Variants in SEC24C observed in about 807,000 individuals in gnomAD.
The protein encoded by SEC24C is SEC24 homolog C, COPII component, also known as protein transport protein Sec24C.
In SEC24C, 22 loss-of-function variants were observed where a neutral mutation model predicts 117.0. That is an observed-to-expected ratio of 0.19 (90% CI 0.13 to 0.27). SEC24C has a LOEUF of 0.27. Ranked by LOEUF, SEC24C falls within the 10% of genes least tolerant of loss-of-function variation. SEC24C has a pLI of 1.00. For missense variants in SEC24C, 1,155 were observed against 1,375.1 expected (o/e 0.84, Z 2.53); for synonymous variants, 506 against 529.4 (o/e 0.96, Z 0.61).
rs188009406 is a variant in SEC24C at position 73,755,162 on chromosome 10, G to C, written c.308+3919G>C. Among the ~76,000 whole-genome samples, 154 of 152,092 alleles carry C rather than the reference G, an allele frequency of 1.0e-3. 8 individuals carry two copies. The highest frequency in any genetic ancestry group is 3.3e-3 in the African/African-American group (138 of 41,518). ...AAACAAAAAAAAAACAAAAGACAAT[G>C]AGAAAGAGCAGTAGTGAGGTGGGAG... On this transcript the variant is annotated intron_variant, in intron 3 of 22. Coordinates refer to ENST00000345254, the MANE Select transcript of SEC24C (RefSeq NM_198597.3).
chr10:73,763,531 G>A lies in SEC24C; in HGVS notation c.1029G>A (p.Glu343=), dbSNP rs2082829115. 6.2e-7 allele frequency: 1 copy of A among 1,613,756 alleles called. No individual in the cohort carries two copies. The highest frequency in any genetic ancestry group is 1.3e-5 in the African/African-American group (1 of 74,886). The change falls in exon 7 of 23, where the codon GAG becomes GAA. Residue 343 remains glutamate, a synonymous_variant. Coordinates refer to ENST00000345254, the MANE Select transcript of SEC24C (RefSeq NM_198597.3). The part of the protein sequence containing the change: ...IEDDRNNRGT[E]PFVTGVRGQV... ...ATGACAGGAACAACCGGGGTACAGA[G>A]CCATTTGTTACTGGAGTACGGGGCC... is the stretch of plus-strand genomic sequence containing the variant.
At chr10:73,746,381 G>C (rs560499929) in intron 1 of SEC24C, among the ~76,000 whole-genome samples, 4 of 152,148 alleles carry the variant, frequency 2.6e-5, no homozygotes, top group Middle Eastern at 3.2e-3. Flanking sequence ...CACACTAGAG[G>C]GTACTCGATG....
intron 3 of SEC24C, among the ~76,000 whole-genome samples, chr10:73,758,672 T>C (rs1056587718): frequency 1.3e-5 from 2 of 152,258 alleles, no homozygotes; most frequent in Non-Finnish European, 2.9e-5. Context: ...TGTGATATTT[T>C]ATAACTGACT....
chr10:73,749,151 C>T (rs532702666), intron 2 of SEC24C, among the ~76,000 whole-genome samples: 231 of 152,348 alleles, frequency 1.5e-3, no homozygotes, highest in Middle Eastern at 0.01. Flanking sequence ...TCACCTTGTG[C>T]AGCCTTACCT....
intron 8 of SEC24C, 81 bp downstream of exon 8, chr10:73,764,064 C>T (rs2082842265): frequency 1.4e-6 from 2 of 1,465,384 alleles, no homozygotes; most frequent in East Asian, 5.2e-5. Flanking sequence ...GATGTGATTC[C>T]AGCTTCACAA....
At position 73,769,605 on chromosome 10, in the gene SEC24C, TC is replaced by T. The variant is rs754065474; in HGVS notation, c.2564-7del. The T allele has an allele frequency of 1.2e-6, 2 of 1,613,828 alleles. No individual in the cohort carries two copies. The highest frequency in any genetic ancestry group is 2.7e-5 in the African/African-American group (2 of 74,996). On this transcript the variant is annotated splice_polypyrimidine_tract_variant and intron_variant, in intron 18 of 22. Transcript: ENST00000345254. This position sits in a 1 kb window ranked among gnomAD's most constrained non-coding sequence, Gnocchi z 4.5. ...AGCTGACCAGTGACTATCTTTGCTT[TC>T]CCATCCAGCATATCGGGGAGTCCTG...
At position 73,769,802 on chromosome 10, in the gene SEC24C, A is replaced by G. The variant is rs753035073; in HGVS notation, c.2683-34A>G. On this transcript the variant is annotated intron_variant, in intron 19 of 22. Transcript: ENST00000345254. This position sits in a 1 kb window ranked among gnomAD's most constrained non-coding sequence, Gnocchi z 4.5. ...TGTTTGCATTTGGGAGGGATTTCTC[A>G]TGATCATTGACTTTATTTTGATAAT... 4 of 1,612,798 alleles carry G rather than the reference A, an allele frequency of 2.5e-6. No individual in the cohort carries two copies. The Admixed American group carries it at 6.7e-5, about 27-fold the overall frequency.
chr10:73,754,994 G>A (rs912625512), intron 3 of SEC24C, among the ~76,000 whole-genome samples: 5 of 152,104 alleles, frequency 3.3e-5, no homozygotes, highest in Admixed American at 2.0e-4. Flanking sequence ...TTAGCCGGGT[G>A]TGGTGGCACA....
chr10:73,770,668 A>T (rs748260216), intron 21 of SEC24C, 41 bp from the exon 22 acceptor site: 1 of 1,604,128 alleles, frequency 6.2e-7, no homozygotes. Flanking sequence ...GACTGAACTC[A>T]GAGTGCCTTA....
chr10:73,760,353 C>T lies in SEC24C; in HGVS notation c.817C>T (p.Pro273Ser). The change falls in exon 5 of 23, where the codon CCG becomes TCG. Residue 273 changes from proline (P) to serine (S), a missense_variant. By Grantham distance (74) the Pro-to-Ser change is moderately conservative. Transcript: ENST00000345254. Reference protein sequence around the residue: ...PLGPLPPMHSPQQPGYQPQQN... With the variant: ...PLGPLPPMHSSQQPGYQPQQN... The stretch of plus-strand genomic sequence containing the variant: ...GGGACCACTGCCACCTATGCACTCC[C>T]CGCAGCAGCCAGGCTATCAGCCCCA... 1.2e-6 allele frequency: 2 copies of T among 1,604,218 alleles called. No homozygotes were observed. The highest frequency in any genetic ancestry group is 1.7e-6 in the Non-Finnish European group (2 of 1,176,666).
chr10:73,769,246 C>T lies in SEC24C; in HGVS notation c.2424+94C>T. 6.3e-7 allele frequency: 1 copy of T among 1,585,308 alleles called. No individual in the cohort carries two copies. The highest frequency in any genetic ancestry group is 1.8e-5 in the Admixed American group (1 of 55,986). Reference sequence around the variant, plus strand: ...GGGTAGAGAGCACTAAAAGAAGAGACAGGGCACGGGAGTGGCTCATTTCTC... The same window carrying T: ...GGGTAGAGAGCACTAAAAGAAGAGATAGGGCACGGGAGTGGCTCATTTCTC... On this transcript the variant is annotated intron_variant, in intron 17 of 22. Transcript: ENST00000345254. The surrounding 1 kb of genome is among the most constrained non-coding windows in gnomAD (Gnocchi z 4.5).
At chr10:73,754,511 C>T (rs1207348386) in intron 3 of SEC24C, among the ~76,000 whole-genome samples, 2 of 152,178 alleles carry the variant, frequency 1.3e-5, no homozygotes, top group African/African-American at 4.8e-5. Flanking sequence ...TATCCCAAAT[C>T]TCACTACAGT....
At chr10:73,755,575 G>A (rs1172152936) in intron 3 of SEC24C, among the ~76,000 whole-genome samples, 2 of 151,906 alleles carry the variant, frequency 1.3e-5, no homozygotes, top group African/African-American at 4.8e-5. Context: ...TACTTGGGGG[G>A]CTGAGGCAGG....
At position 73,763,618 on chromosome 10, in the gene SEC24C, C is replaced by A; in HGVS notation, c.1099+17C>A. 1.3e-6 allele frequency: 2 copies of A among 1,482,268 alleles called. No individual in the cohort carries two copies. The highest frequency in any genetic ancestry group is 1.9e-6 in the Non-Finnish European group (2 of 1,071,392). 91.8% of individuals were successfully genotyped at this position (1,482,268 alleles called of 1,614,324 possible). A position where few individuals can be genotyped will look rare whatever the true frequency, so the allele number is the denominator to read the frequency against. ...AAGACCAAGGTGAGAATGGAATTAG[C>A]TCCTCCCACAGGGGCTTTTTCTTCA... On this transcript the variant is annotated intron_variant, in intron 7 of 22. Transcript: ENST00000345254.
chr10:73,758,840 A>G (rs771785014), intron 3 of SEC24C, among the ~76,000 whole-genome samples: 1 of 151,886 alleles, frequency 6.6e-6, no homozygotes, highest in Non-Finnish European at 1.5e-5. Flanking sequence ...TGTTTCCACT[A>G]TAGTTGGTTT....
At position 73,760,366 on chromosome 10, in the gene SEC24C, G is replaced by A. The variant is rs1311028593; in HGVS notation, c.830G>A (p.Gly277Asp). The A allele has an allele frequency of 6.3e-7, 1 of 1,596,926 alleles. No individual in the cohort carries two copies. The highest frequency in any genetic ancestry group is 2.2e-5 in the East Asian group (1 of 44,640). ...LPPMHSPQQP[G>D]YQPQQNGSFG... Reference sequence around the variant, plus strand: ...CCTATGCACTCCCCGCAGCAGCCAGGCTATCAGCCCCAACAAAATGGTGAG... The same window carrying A: ...CCTATGCACTCCCCGCAGCAGCCAGACTATCAGCCCCAACAAAATGGTGAG... Residue 277 changes from glycine (G) to aspartate (D), a missense_variant, in exon 5 of 23, where the codon GGC (glycine) becomes GAC (aspartate). Physicochemically the swap from Gly to Asp is moderately conservative, Grantham distance 94. Around this residue, in one of 2 missense-constraint regions of SEC24C, gnomAD observed 396 missense variants for 382.8 expected, o/e 1.03. Coordinates refer to ENST00000345254, the MANE Select transcript of SEC24C (RefSeq NM_198597.3).
intron 22 of SEC24C, 51 bp downstream of exon 22, chr10:73,770,849 G>A (rs373127701): frequency 6.2e-7 from 1 of 1,610,674 alleles, no homozygotes; most frequent in Non-Finnish European, 8.5e-7. Flanking sequence ...TCCTCACCTA[G>A]AAGTGGGGGT....
At chr10:73,746,328 G>C (rs2082552485) in intron 1 of SEC24C, among the ~76,000 whole-genome samples, 1 of 152,164 alleles carries the variant, frequency 6.6e-6, no homozygotes, top group South Asian at 2.1e-4. Flanking sequence ...TAGCAGATCT[G>C]TTTTAGATTT....
chr10:73,765,378 G>T, intron 8 of SEC24C, 73 bp from the exon 9 acceptor site: 1 of 1,549,254 alleles, frequency 6.5e-7, no homozygotes, highest in Non-Finnish European at 8.9e-7. Flanking sequence ...TCCTCCGGTT[G>T]TTCTTCCTCA....
Sources: allele counts gnomAD v4.1 joint callset (sites outside exome capture counted in the v4.1 genomes callset), GRCh38; gene constraint gnomAD v4.1.1; regional missense constraint gnomAD v4.1.1; non-coding constraint Gnocchi (gnomAD v3.1); transcripts MANE v1.5; gene names NCBI Gene and HGNC (gene_info 2026-07-23, HGNC 2026-07-21).